Variants in CDH18 observed in about 807,000 individuals in gnomAD.
The protein encoded by CDH18 is cadherin 18.
In CDH18, 31 loss-of-function variants were observed where a neutral mutation model predicts 67.9. The ratio of observed to expected loss-of-function variants is 0.46; its 90% CI spans 0.34 to 0.62. The LOEUF (loss-of-function observed/expected upper bound fraction) is 0.62. Among genes scored for constraint, CDH18 ranks in the 20% least tolerant of loss-of-function variants. The pLI is 0.01. For synonymous variants in CDH18, 362 were observed against 347.2 expected (o/e 1.04, Z -0.48); for missense variants, 890 against 975.5 (o/e 0.91, Z 1.17).
chr5:20,200,964 T>G (rs955934577), intron 2 of CDH18, among the ~76,000 whole-genome samples: 8 of 152,178 alleles, frequency 5.3e-5, no homozygotes, highest in Non-Finnish European at 1.2e-4. Flanking sequence ...TTTCATTGTT[T>G]CCCTGTAATC....
chr5:19,553,768 G>A (rs1318667660), intron 8 of CDH18, among the ~76,000 whole-genome samples: 1 of 150,962 alleles, frequency 6.6e-6, no homozygotes, highest in Non-Finnish European at 1.5e-5. Flanking sequence ...AGCCTCTGAA[G>A]AAGCTGGGAC....
At chr5:19,791,348 G>A (rs1460785750) in intron 3 of CDH18, among the ~76,000 whole-genome samples, 8 of 62,740 alleles carry the variant, frequency 1.3e-4, no homozygotes, top group East Asian at 4.2e-4. Context: ...CTTGCAATTC[G>A]ACTTTTAAAC....
intron 7 of CDH18, among the ~76,000 whole-genome samples, chr5:19,589,697 T>C (rs2150019623): frequency 6.6e-6 from 1 of 152,208 alleles, no homozygotes; most frequent in Admixed American, 6.5e-5. Context: ...TGGCTTTCCA[T>C]TTGGCAAAAT....
At chr5:19,593,709 T>TCCTCCTCCTCCTCCTTCC (rs70950076) in intron 6 of CDH18, among the ~76,000 whole-genome samples, 2 of 111,178 alleles carry the variant, frequency 1.8e-5, no homozygotes, top group African/African-American at 4.6e-5. Context: ...CTCCTCCTCC[T>TCCTCCTCCTCCTCCTTCC]TCTTCTTCTT....
At chr5:19,579,246 C>T (rs1201923672) in intron 7 of CDH18, among the ~76,000 whole-genome samples, 1 of 151,920 alleles carries the variant, frequency 6.6e-6, no homozygotes, top group Admixed American at 6.6e-5. Flanking sequence ...CAATAACATG[C>T]AACAGAGATA....
At chr5:20,554,064 C>T (rs1210503710) in intron 1 of CDH18, among the ~76,000 whole-genome samples, 1 of 152,076 alleles carries the variant, frequency 6.6e-6, no homozygotes, top group East Asian at 1.9e-4. Flanking sequence ...TCCTAGTAGC[C>T]CCCATATTTT....
chr5:20,517,415 AT>A (rs1561086433), intron 1 of CDH18, among the ~76,000 whole-genome samples: 1 of 151,776 alleles, frequency 6.6e-6, no homozygotes, highest in African/African-American at 2.4e-5. Flanking sequence ...AATAATAAAC[AT>A]TTTAGATAGG....
At chr5:19,811,146 GAAA>G (rs1561351551) in intron 3 of CDH18, among the ~76,000 whole-genome samples, 3 of 66,022 alleles carry the variant, frequency 4.5e-5, no homozygotes, top group East Asian at 3.1e-4. Flanking sequence ...AAGAAAGAAA[GAAA>G]GAAAGAAAGA....
intron 2 of CDH18, among the ~76,000 whole-genome samples, chr5:20,056,349 A>T (rs1741921817): frequency 6.7e-6 from 1 of 149,950 alleles, no homozygotes; most frequent in Middle Eastern, 3.2e-3. Context: ...AAAAAAAAAA[A>T]AAGTGCACTT....
intron 2 of CDH18, among the ~76,000 whole-genome samples, chr5:20,025,776 G>C (rs1738842158): frequency 6.6e-6 from 1 of 152,136 alleles, no homozygotes. Context: ...GTTCCTCATT[G>C]TTAGTGCCAA....
chr5:20,109,134 G>A (rs1747235991), intron 2 of CDH18, among the ~76,000 whole-genome samples: 1 of 152,104 alleles, frequency 6.6e-6, no homozygotes, highest in South Asian at 2.1e-4. Context: ...CATACATTTA[G>A]TTGGAATAAA....
At chr5:20,373,164 C>T (rs984091338) in intron 1 of CDH18, among the ~76,000 whole-genome samples, 3 of 152,144 alleles carry the variant, frequency 2.0e-5, no homozygotes, top group African/African-American at 4.8e-5. Context: ...TATATCTCTC[C>T]GATGCCTAAA....
chr5:19,521,036 T>A (rs1466987266), intron 9 of CDH18, among the ~76,000 whole-genome samples: 1 of 152,178 alleles, frequency 6.6e-6, no homozygotes, highest in Non-Finnish European at 1.5e-5. Flanking sequence ...TATCAGGAAC[T>A]TGAGTGGGAG....
chr5:20,522,211 CTTTG>C lies in CDH18; in HGVS notation c.-580+53247_-580+53250del, dbSNP rs1318482136. On this transcript the variant is annotated intron_variant, in intron 1 of 14. Coordinates refer to the CDH18 transcript ENST00000507958. Reference sequence around the variant, plus strand: ...TCAGAAGTAACCAAACCTGCTGACACTTTGATCTTGAACTCCTAGCCTTCACTAT... The same window carrying C: ...TCAGAAGTAACCAAACCTGCTGACACATCTTGAACTCCTAGCCTTCACTAT... Among the ~76,000 whole-genome samples, 110 of 123,900 alleles carry C rather than the reference CTTTG, an allele frequency of 8.9e-4. 1 individual carries two copies. The highest frequency in any genetic ancestry group is 2.8e-3 in the African/African-American group (110 of 39,674). The allele number at this position is 123,900 out of a possible 152,430, so 81.3% of individuals were successfully genotyped here. A position where few individuals can be genotyped will look rare whatever the true frequency, so the allele number is the denominator to read the frequency against.
intron 2 of CDH18, among the ~76,000 whole-genome samples, chr5:20,101,896 A>G (rs557244187): frequency 1.3e-5 from 2 of 152,032 alleles, no homozygotes; most frequent in African/African-American, 4.8e-5. Flanking sequence ...ACATGGTGAA[A>G]CCCCGTCTCT....
In CDH18 at chr5:20,332,386, C is replaced by A. The variant is rs146772945; in HGVS notation, c.-579-76881G>T. ...TTTTTCTTTTTACTTCTTGTCAACT[C>A]TTTGCTGGTAAGAATAGACATATAA... On this transcript the variant is annotated intron_variant, in intron 1 of 14. Transcript: ENST00000507958. 2.6e-3 allele frequency among the ~76,000 whole-genome samples: 393 copies of A among 152,230 alleles called. 3 individuals are homozygous for A. Among genetic ancestry groups the A allele is most frequent in the African/African-American group, 9.2e-3 (382 of 41,546 alleles).
intron 1 of CDH18, among the ~76,000 whole-genome samples, chr5:20,370,046 T>C (rs1024090889): frequency 1.3e-5 from 2 of 152,180 alleles, no homozygotes; most frequent in Non-Finnish European, 2.9e-5. Context: ...TAATATCTTT[T>C]ATTTCTAGAG....
rs1012967804 is a variant in CDH18, at chr5:19,482,408, A to G, written c.1882+893T>C. Among the ~76,000 whole-genome samples the G allele has an allele frequency of 5.3e-5, 8 of 152,254 alleles. No individual in the cohort carries two copies. In the East Asian group the frequency reaches 5.8e-4, roughly 11 times the overall value. ...TGGGATTACAGGCGTGAGCCACCGC[A>G]CCTGGCCAAAAATTATTGTTTTTAA... On this transcript the variant is annotated intron_variant, in intron 12 of 12. Coordinates refer to ENST00000382275, the MANE Select transcript of CDH18 (RefSeq NM_004934.5).
rs536626690 is a variant in CDH18 at position 20,191,976 on chromosome 5, C to A, written c.-518+63468G>T. 3.9e-5 allele frequency among the ~76,000 whole-genome samples: 6 copies of A among 152,206 alleles called. No individual in the cohort carries two copies. The East Asian group carries it at 1.2e-3, about 30-fold the overall frequency. The stretch of plus-strand genomic sequence containing the variant: ...TTGCACTAATTTACATTCCCACCAA[C>A]AGTGTAAAAACGTTCCTATTTCTCC... On this transcript the variant is annotated intron_variant, in intron 2 of 14. Coordinates refer to the CDH18 transcript ENST00000507958.
Sources: allele counts gnomAD v4.1 joint callset (sites outside exome capture counted in the v4.1 genomes callset), GRCh38; gene constraint gnomAD v4.1.1; transcripts MANE v1.5; gene names NCBI Gene and HGNC (gene_info 2026-07-23, HGNC 2026-07-21).